NRG1: variants seen among roughly 807,000 people sequenced by gnomAD.
The protein encoded by NRG1 is neuregulin 1.
A neutral mutation model predicts 63.8 loss-of-function variants in NRG1; 18 were observed. The observed-to-expected ratio is 0.28, with a 90% CI of 0.19 to 0.42. NRG1 has a LOEUF of 0.42. NRG1 is among the 10% of genes least tolerant of loss of function. NRG1 has a pLI of 1.00. For synonymous variants in NRG1, 302 were observed against 301.3 expected (o/e 1.00, Z -0.02); for missense variants, 762 against 814.7 (o/e 0.94, Z 0.79).
chr8:31,893,073 A>G (rs1233202485), intron 1 of NRG1, among the ~76,000 whole-genome samples: 1 of 151,680 alleles, frequency 6.6e-6, no homozygotes, highest in Non-Finnish European at 1.5e-5. Context: ...AAGCCCAGAA[A>G]GAGCCTCTTC....
intron 1 of NRG1, among the ~76,000 whole-genome samples, chr8:32,207,144 A>ATTTGTATTT (rs1844149181): frequency 6.6e-6 from 1 of 152,154 alleles, no homozygotes; most frequent in African/African-American, 2.4e-5. Flanking sequence ...ACATGTTTAT[A>ATTTGTATTT]ACACCCTTTG....
At chr8:32,566,576 G>A (rs189434857) in intron 1 of NRG1, among the ~76,000 whole-genome samples, 9 of 152,176 alleles carry the variant, frequency 5.9e-5, no homozygotes, top group East Asian at 1.9e-4. Context: ...GGTATTTTGC[G>A]TCTATCTCTA....
In NRG1 at chr8:32,522,020, T is replaced by A. The variant is rs544339321; in HGVS notation, c.38-73808T>A. Reference sequence around the variant, plus strand: ...CTTGAATTATGTGCAGAAAAGAAGATGATACTCTACAAGCTCGGCTTTTCG... The same window carrying A: ...CTTGAATTATGTGCAGAAAAGAAGAAGATACTCTACAAGCTCGGCTTTTCG... On this transcript the variant is annotated intron_variant, in intron 1 of 10. Coordinates refer to the NRG1 transcript ENST00000519301. Among the ~76,000 whole-genome samples the A allele has an allele frequency of 5.9e-5, 9 of 152,314 alleles. No homozygotes were observed. The South Asian group carries it at 1.7e-3, about 28-fold the overall frequency.
At chr8:32,747,825 C>T (rs4733371) in intron 7 of NRG1, among the ~76,000 whole-genome samples, 18,858 of 149,992 alleles carry the variant, frequency 0.13, 1,498 homozygotes, top group East Asian at 0.36. Context: ...CAAGTATCCC[C>T]GGAGCTTACA....
chr8:32,340,008 A>C lies in NRG1; in HGVS notation c.38-255820A>C, dbSNP rs952845487. Reference sequence around the variant, plus strand: ...ACAGGAATGACTGCAAGATAACTTGACTTTCTCCTTCCCCTCTGCTGCTAA... The same window carrying C: ...ACAGGAATGACTGCAAGATAACTTGCCTTTCTCCTTCCCCTCTGCTGCTAA... On this transcript the variant is annotated intron_variant, in intron 1 of 10. Transcript: ENST00000519301. Among the ~76,000 whole-genome samples the C allele has an allele frequency of 3.9e-5, 6 of 152,172 alleles. No individual in the cohort carries two copies. In the East Asian group the frequency reaches 1.2e-3, roughly 29 times the overall value.
At chr8:32,042,961 A>AGTGTGTGTGTGTGT (rs111850977) in intron 1 of NRG1, among the ~76,000 whole-genome samples, 31,128 of 139,682 alleles carry the variant, frequency 0.22, 3,760 homozygotes, top group South Asian at 0.32. Context: ...GAAAGAGTGC[A>AGTGTGTGTGTGTGT]GTGTGTGTGT....
chr8:31,832,872 T>G (rs773005399), intron 1 of NRG1, among the ~76,000 whole-genome samples: 14 of 152,190 alleles, frequency 9.2e-5, no homozygotes, highest in Non-Finnish European at 2.1e-4. Context: ...GGTGTCAGTT[T>G]TTCTTTTGCA....
intron 7 of NRG1, chr8:32,749,643 C>CT: frequency 1.3e-6 from 2 of 1,547,356 alleles, no homozygotes; most frequent in Admixed American, 3.5e-5. Context: ...GAGCTGAAAT[C>CT]TTTTTCCCTT....
intron 1 of NRG1, among the ~76,000 whole-genome samples, chr8:32,060,412 A>G (rs1209723044): frequency 6.6e-6 from 1 of 151,998 alleles, no homozygotes; most frequent in Non-Finnish European, 1.5e-5. Flanking sequence ...ATGAGCCTCC[A>G]CCATAAAAGA....
rs181886596 is a variant in NRG1, at chr8:31,798,059, G to A, written c.37+158628G>A. Among the ~76,000 whole-genome samples, 127 of 152,216 alleles carry A rather than the reference G, an allele frequency of 8.3e-4. 1 individual carries two copies. The highest frequency in any genetic ancestry group is 5.8e-3 in the Admixed American group (89 of 15,286). On this transcript the variant is annotated intron_variant, in intron 1 of 10. Transcript: ENST00000519301. ...GGAGGGGGAAGAAAGGAGAGGGAAC[G>A]GTTGGTTAAGGAAAGGAGAGGAGAG... is the stretch of plus-strand genomic sequence containing the variant.
intron 1 of NRG1, among the ~76,000 whole-genome samples, chr8:32,576,765 A>T (rs937314541): frequency 1.4e-4 from 21 of 151,652 alleles, no homozygotes; most frequent in Non-Finnish European, 2.4e-4. Context: ...TTCTCTTTTT[A>T]AAAAAATAAT....
At chr8:32,129,928 C>A (rs1834585997) in intron 1 of NRG1, among the ~76,000 whole-genome samples, 1 of 151,848 alleles carries the variant, frequency 6.6e-6, no homozygotes, top group South Asian at 2.1e-4. Context: ...ATGTAAATTT[C>A]TTGGATGACA....
intron 5 of NRG1, among the ~76,000 whole-genome samples, chr8:32,654,543 C>T (rs148342612): frequency 2.7e-5 from 4 of 149,672 alleles, no homozygotes; most frequent in African/African-American, 7.4e-5. Flanking sequence ...GAAGGAGAAT[C>T]GCTTCAACCT....
At chr8:32,162,358 C>A (rs184841773) in intron 1 of NRG1, among the ~76,000 whole-genome samples, 1 of 152,108 alleles carries the variant, frequency 6.6e-6, no homozygotes, top group Non-Finnish European at 1.5e-5. Context: ...TGAAAGCATG[C>A]GTACATTTTT....
chr8:32,102,340 G>A (rs889178977), intron 1 of NRG1, among the ~76,000 whole-genome samples: 7 of 152,056 alleles, frequency 4.6e-5, no homozygotes, highest in African/African-American at 1.7e-4. Context: ...GTTTTGCTAT[G>A]TTGCCCAGGC....
At chr8:31,984,085 A>G (rs552472718) in intron 1 of NRG1, among the ~76,000 whole-genome samples, 2 of 152,104 alleles carry the variant, frequency 1.3e-5, no homozygotes, top group South Asian at 4.1e-4. Context: ...TGTGTCTAAT[A>G]TCTTACAAAG....
chr8:31,862,352 T>C (rs1040663103), intron 1 of NRG1, among the ~76,000 whole-genome samples: 1 of 152,104 alleles, frequency 6.6e-6, no homozygotes, highest in South Asian at 2.1e-4. Context: ...AAAACTCGAG[T>C]TTGTTAATTA....
intron 2 of NRG1, among the ~76,000 whole-genome samples, chr8:32,600,966 GA>G (rs1416673404): frequency 1.3e-5 from 2 of 151,852 alleles, no homozygotes; most frequent in Non-Finnish European, 2.9e-5. Flanking sequence ...TTACAGAAAA[GA>G]AAAAAAGAAG....
At chr8:32,505,580 C>T (rs761637180) in intron 1 of NRG1, among the ~76,000 whole-genome samples, 1 of 152,110 alleles carries the variant, frequency 6.6e-6, no homozygotes, top group Non-Finnish European at 1.5e-5. Context: ...GAAGACTCTG[C>T]CCTCATGATG....
Sources: gnomAD v4.1 joint callset for allele counts (sites outside exome capture counted in the v4.1 genomes callset) on GRCh38, gnomAD v4.1.1 for gene constraint, MANE v1.5 for transcripts, NCBI Gene and HGNC (gene_info 2026-07-23, HGNC 2026-07-21) for gene names.